PRKDC: variants seen among roughly 807,000 people sequenced by gnomAD.
PRKDC encodes DNA-dependent protein kinase catalytic subunit.
PRKDC carries 82 observed loss-of-function variants against 486.9 expected under a neutral mutation model. The ratio of observed to expected loss-of-function variants is 0.17; its 90% confidence interval spans 0.14 to 0.20. The LOEUF (loss-of-function observed/expected upper bound fraction) is 0.20. Ranked by LOEUF, PRKDC falls within the 10% of genes least tolerant of loss-of-function variation. The pLI is 1.00. For synonymous variants in PRKDC, 1,895 were observed against 1,837.0 expected (o/e 1.03, Z -0.81); for missense variants, 4,504 against 5,038.2 (o/e 0.89, Z 3.21).
chr8:47,860,400 G>A (rs2154500613), intron 45 of PRKDC, among the ~76,000 whole-genome samples: 1 of 152,346 alleles, frequency 6.6e-6, no homozygotes, highest in Non-Finnish European at 1.5e-5. Flanking sequence ...ACAAGGCACA[G>A]GCAAGAGCCA....
rs1444230911 is a variant in PRKDC at position 47,778,453 on chromosome 8, G to C, written c.11853+6C>G. 6.2e-7 allele frequency: 1 copy of C among 1,610,832 alleles called. No homozygotes were observed. Among genetic ancestry groups the C allele is most frequent in the Admixed American group, 1.7e-5 (1 of 59,572 alleles). ...GCCCAGGATCACGAGAGCACAGCAA[G>C]TGCACCTGTGTAGCGGATCCAAACG... is the stretch of plus-strand genomic sequence containing the variant. On this transcript the variant is annotated splice_donor_region_variant and intron_variant, in intron 83 of 85. Coordinates refer to ENST00000314191, the MANE Select transcript of PRKDC (RefSeq NM_006904.7).
chr8:47,903,641 C>T (rs535456773), intron 26 of PRKDC, among the ~76,000 whole-genome samples: 4 of 152,268 alleles, frequency 2.6e-5, no homozygotes, highest in Admixed American at 6.5e-5. Flanking sequence ...ACTTGAGTGC[C>T]GTGCTACCGA....
chr8:47,830,786 A>C, intron 60 of PRKDC, 50 bp from the exon 61 acceptor site: 2 of 1,610,760 alleles, frequency 1.2e-6, no homozygotes, highest in Non-Finnish European at 1.7e-6. Context: ...ATTGAAGGAA[A>C]CTAGTCGTGC....
At chr8:47,859,409 T>C (rs1351893960) in intron 46 of PRKDC, among the ~76,000 whole-genome samples, 1 of 152,158 alleles carries the variant, frequency 6.6e-6, no homozygotes, top group Non-Finnish European at 1.5e-5. Context: ...GACCTCCTAC[T>C]GTGCTGATGA....
At chr8:47,858,012 C>A (rs185169918) in intron 48 of PRKDC, among the ~76,000 whole-genome samples, 4 of 152,154 alleles carry the variant, frequency 2.6e-5, no homozygotes, top group Non-Finnish European at 5.9e-5. Context: ...AGGGACCACC[C>A]GTGCTATGCT....
chr8:47,881,404 T>G lies in PRKDC; in HGVS notation c.5067+12A>C. The G allele has an allele frequency of 7.2e-7, 1 of 1,393,312 alleles. No homozygotes were observed. The highest frequency in any genetic ancestry group is 1.4e-5 in the African/African-American group (1 of 69,742). 86.3% of individuals were successfully genotyped at this position (1,393,312 alleles called of 1,614,324 possible). ...GAATGTAATCCAAAAAAATAAATATTTCACTGTTTACCTTTAAATGTAGAT... is the reference window on the plus strand; with the variant it reads ...GAATGTAATCCAAAAAAATAAATATGTCACTGTTTACCTTTAAATGTAGAT... On this transcript the variant is annotated intron_variant, in intron 38 of 85. Transcript: ENST00000314191.
In PRKDC at chr8:47,935,687, T is replaced by A. The variant is rs184448620; in HGVS notation, c.1447+45A>T. 2.2e-5 allele frequency: 35 copies of A among 1,575,896 alleles called. No individual in the cohort carries two copies. The African/African-American group carries it at 4.2e-4, about 19-fold the overall frequency. On this transcript the variant is annotated intron_variant, in intron 13 of 85. Transcript: ENST00000314191. Reference sequence around the variant, plus strand: ...TCTTTACCTATATCAAATAATGTGTTAATTATCCATCATTACTCATAAATA... The same window carrying A: ...TCTTTACCTATATCAAATAATGTGTAAATTATCCATCATTACTCATAAATA...
In PRKDC at chr8:47,930,567, C is replaced by T. The variant is rs920421903; in HGVS notation, c.1892+105G>A. ...GATTACAGGCGTGAGCCACCGAACC[C>T]GGCCTATTATTTCATTTCTTACATC... is the stretch of plus-strand genomic sequence containing the variant. On this transcript the variant is annotated intron_variant, in intron 17 of 85. Coordinates refer to ENST00000314191, the MANE Select transcript of PRKDC (RefSeq NM_006904.7). 68 of 1,203,274 alleles carry T rather than the reference C, an allele frequency of 5.7e-5. 1 individual carries two copies. Among genetic ancestry groups the T allele is most frequent in the South Asian group, 3.9e-4 (27 of 69,222 alleles). 74.5% of individuals were successfully genotyped at this position (1,203,274 alleles called of 1,614,324 possible). A position where few individuals can be genotyped will look rare whatever the true frequency, so the allele number is the denominator to read the frequency against.
intron 7 of PRKDC, among the ~76,000 whole-genome samples, chr8:47,944,887 T>G (rs186349457): frequency 6.6e-6 from 1 of 152,188 alleles, no homozygotes; most frequent in African/African-American, 2.4e-5. Flanking sequence ...CAGAGAAACA[T>G]CTGTATGGTT....
At position 47,782,809 on chromosome 8, in the gene PRKDC, A is replaced by T; in HGVS notation, c.11176-211T>A. The T allele has an allele frequency of 1.7e-6, 1 of 591,228 alleles. No individual in the cohort carries two copies. Among genetic ancestry groups the T allele is most frequent in the Non-Finnish European group, 3.0e-6 (1 of 333,536 alleles). 36.6% of individuals were successfully genotyped at this position (591,228 alleles called of 1,614,324 possible). ...AAATGTTGTATTCCTGATTATAAAT[A>T]CTTGCTTATGAATGTGGATATCTTT... On this transcript the variant is annotated intron_variant, in intron 78 of 85. Transcript: ENST00000314191. The surrounding 1 kb of genome is among the most constrained non-coding windows in gnomAD (Gnocchi z 4.9).
intron 61 of PRKDC, among the ~76,000 whole-genome samples, chr8:47,830,042 A>G (rs984996584): frequency 3.3e-5 from 5 of 152,256 alleles, no homozygotes; most frequent in Non-Finnish European, 7.3e-5. Context: ...ATAAGGCTGC[A>G]GTAACCAAAA....
intron 35 of PRKDC, among the ~76,000 whole-genome samples, chr8:47,886,715 TGTCACTCTGTTGCCCAGGCTGGA>T (rs1370620934): frequency 6.6e-6 from 1 of 152,060 alleles, no homozygotes; most frequent in Non-Finnish European, 1.5e-5. Flanking sequence ...AAAGACAGGG[TGTCACTCTGTTGCCCAGGCTGGA>T]GTGCAGTGGC....
rs1012723099 is a variant in PRKDC, at chr8:47,898,868, G to A, written c.3365-299C>T. Among the ~76,000 whole-genome samples, 93 of 152,150 alleles carry A rather than the reference G, an allele frequency of 6.1e-4. 1 individual carries two copies. The highest frequency in any genetic ancestry group is 6.5e-5 in the Admixed American group (1 of 15,272). On this transcript the variant is annotated intron_variant, in intron 28 of 85. Transcript: ENST00000314191. ...CTAGAAACTGTACCACCAACACCACGGCCACCCAAAGCACAGCCTCTCCTA... is the reference window on the plus strand; with the variant it reads ...CTAGAAACTGTACCACCAACACCACAGCCACCCAAAGCACAGCCTCTCCTA...
At chr8:47,781,519 T>C (rs953060425) in intron 80 of PRKDC, among the ~76,000 whole-genome samples, 5 of 152,334 alleles carry the variant, frequency 3.3e-5, no homozygotes, top group African/African-American at 1.2e-4. Flanking sequence ...CTGTCAACTT[T>C]GGTTGTCAAA....
At chr8:47,815,373 TGGAAAAA>T (rs1159487411) in intron 68 of PRKDC, among the ~76,000 whole-genome samples, 1 of 152,202 alleles carries the variant, frequency 6.6e-6, no homozygotes, top group Admixed American at 6.5e-5. Context: ...GATATCTATA[TGGAAAAA>T]GTAAACACCT....
chr8:47,812,950 C>T (rs1045549765), intron 68 of PRKDC, among the ~76,000 whole-genome samples: 7 of 151,582 alleles, frequency 4.6e-5, no homozygotes, highest in East Asian at 1.9e-4. Context: ...ATAATGTGAA[C>T]ATTATACCAA....
intron 77 of PRKDC, 134 bp from the exon 78 acceptor site, chr8:47,783,943 A>C: frequency 1.2e-6 from 1 of 861,506 alleles, no homozygotes. Flanking sequence ...TTTTCACTTA[A>C]AGGGAACTGA....
At chr8:47,930,914 A>C in intron 16 of PRKDC, 127 bp from the exon 17 acceptor site, 1 of 871,412 alleles carries the variant, frequency 1.1e-6, no homozygotes, top group South Asian at 1.7e-5. Flanking sequence ...AGCGAGAAAG[A>C]CCAAGATGGG....
intron 54 of PRKDC, among the ~76,000 whole-genome samples, chr8:47,847,880 T>C (rs1324486724): frequency 6.6e-6 from 1 of 150,684 alleles, no homozygotes; most frequent in Non-Finnish European, 1.5e-5. Context: ...AACAAATATA[T>C]ATATATATAT....
Sources: allele counts gnomAD v4.1 joint callset (sites outside exome capture counted in the v4.1 genomes callset), GRCh38; gene constraint gnomAD v4.1.1; non-coding constraint Gnocchi (gnomAD v3.1); transcripts MANE v1.5; gene names NCBI Gene and HGNC (gene_info 2026-07-23, HGNC 2026-07-21).